CDH23: variants seen among roughly 807,000 people sequenced by gnomAD.
The protein encoded by CDH23 is cadherin-23.
CDH23 carries 189 observed loss-of-function variants against 317.1 expected under a neutral mutation model. The observed-to-expected ratio is 0.60, with a 90% CI of 0.53 to 0.67. The LOEUF (loss-of-function observed/expected upper bound fraction) is 0.67, where lower values mean the gene tolerates loss of function less well. Ranked by LOEUF, CDH23 falls within the 30% of genes least tolerant of loss-of-function variation. The pLI, the probability that CDH23 is intolerant of heterozygous loss-of-function variation, is 0.00. For synonymous variants in CDH23, 1,839 were observed against 1,876.8 expected (o/e 0.98, Z 0.52); for missense variants, 4,401 against 4,592.4 (o/e 0.96, Z 1.20).
chr10:71,790,426 T>C lies in CDH23; in HGVS notation c.6049+13T>C. The C allele has an allele frequency of 3.1e-6, 5 of 1,610,976 alleles. No homozygotes were observed. The highest frequency in any genetic ancestry group is 4.2e-6 in the Non-Finnish European group (5 of 1,179,302). On this transcript the variant is annotated intron_variant, in intron 46 of 69. Transcript: ENST00000224721. ...AACAGCAGCACCGGTGAGGCCTCTGTGCCACCCAGCACTCCCAGCCTGATT... is the reference window on the plus strand; with the variant it reads ...AACAGCAGCACCGGTGAGGCCTCTGCGCCACCCAGCACTCCCAGCCTGATT...
chr10:71,641,889 G>A (rs569080264), intron 11 of CDH23, among the ~76,000 whole-genome samples: 1 of 152,182 alleles, frequency 6.6e-6, no homozygotes, highest in Non-Finnish European at 1.5e-5. Context: ...GACCAGCCTG[G>A]CCAACAGGCG....
intron 28 of CDH23, among the ~76,000 whole-genome samples, chr10:71,722,285 A>T (rs73275842): frequency 3.3e-5 from 5 of 152,150 alleles, no homozygotes; most frequent in Admixed American, 3.3e-4. Flanking sequence ...TACAAAAAAA[A>T]TAATAATAAT....
At chr10:71,741,972 C>T (rs766750504) in intron 38 of CDH23, 51 bp downstream of exon 38, 26 of 1,420,672 alleles carry the variant, frequency 1.8e-5, no homozygotes, top group Admixed American at 1.5e-4. Context: ...AGGGCAGCTC[C>T]GCCTCCGAGT....
In CDH23 at chr10:71,807,980, G is replaced by A; in HGVS notation, c.8695G>A (p.Glu2899Lys). The A allele has an allele frequency of 1.3e-6, 2 of 1,594,890 alleles. No individual in the cohort carries two copies. Among genetic ancestry groups the A allele is most frequent in the Non-Finnish European group, 8.5e-7 (1 of 1,170,222 alleles). ...CTTCCGGGCCCTTGCCAACGACTCT[G>A]AAGATGTGGGCCAGGTCTTCACCAT... is the stretch of plus-strand genomic sequence containing the variant. ...HYFRALANDSEDVGQVFTMGS... is the reference protein window; with the variant it reads ...HYFRALANDSKDVGQVFTMGS... The change falls in exon 60 of 70, where the codon GAA (glutamate) becomes AAA (lysine). Residue 2899 changes from glutamate to lysine, a missense_variant. By Grantham distance (56) the Glu-to-Lys change is moderately conservative (BLOSUM62 1). Around this residue, in one of 3 missense-constraint regions of CDH23, gnomAD observed 1,144 missense variants for 1,138.2 expected, o/e 1.01. Coordinates refer to ENST00000224721, the MANE Select transcript of CDH23 (RefSeq NM_022124.6).
chr10:71,404,403 A>G (rs1453782803), intron 1 of CDH23, among the ~76,000 whole-genome samples: 2 of 152,242 alleles, frequency 1.3e-5, no homozygotes, highest in Non-Finnish European at 2.9e-5. Flanking sequence ...AGTCCCGACC[A>G]TTCCCTATTG....
chr10:71,516,400 C>A (rs937607316), intron 6 of CDH23, among the ~76,000 whole-genome samples: 1 of 152,216 alleles, frequency 6.6e-6, no homozygotes, highest in Admixed American at 6.5e-5. Flanking sequence ...CGAAGCCACG[C>A]CTCCTGGCCC....
chr10:71,409,760 C>T (rs1848267469), intron 1 of CDH23, among the ~76,000 whole-genome samples: 2 of 152,192 alleles, frequency 1.3e-5, no homozygotes, highest in South Asian at 4.1e-4. Flanking sequence ...GCAGCCTCAA[C>T]CTGCTTCCCC....
Position 71,571,332 on chromosome 10 carries a change from G to A in CDH23, c.753+414G>A, listed in dbSNP as rs570334635. ...CCCTCTCTGCTGATGAGCACTGCCA[G>A]AGAGGGTGGCAGCTGCCCTTCTTCA... On this transcript the variant is annotated intron_variant, in intron 8 of 69. Transcript: ENST00000224721. Among the ~76,000 whole-genome samples the A allele has an allele frequency of 7.9e-5, 12 of 152,360 alleles. No individual in the cohort carries two copies. In the South Asian group the frequency reaches 2.5e-3, roughly 32 times the overall value.
chr10:71,561,179 C>T (rs2132341504), intron 6 of CDH23, among the ~76,000 whole-genome samples: 1 of 152,076 alleles, frequency 6.6e-6, no homozygotes, highest in African/African-American at 2.4e-5. Flanking sequence ...AGTTTCCTTT[C>T]CTCCCTTTTC....
chr10:71,680,219 C>A (rs900519115), intron 17 of CDH23, among the ~76,000 whole-genome samples: 4 of 152,228 alleles, frequency 2.6e-5, no homozygotes, highest in Non-Finnish European at 5.9e-5. Flanking sequence ...GCCAGGAAAG[C>A]CCTTCCTCCT....
intron 28 of CDH23, chr10:71,713,220 C>T (rs764695323): frequency 1.3e-6 from 1 of 779,192 alleles, no homozygotes; most frequent in Admixed American, 1.7e-5. Context: ...CGAGGCTCCC[C>T]TCTTGGGAAG....
chr10:71,622,981 G>A lies in CDH23; in HGVS notation c.1134+5588G>A, dbSNP rs190747421. On this transcript the variant is annotated intron_variant, in intron 11 of 69. Coordinates refer to ENST00000224721, the MANE Select transcript of CDH23 (RefSeq NM_022124.6). The stretch of plus-strand genomic sequence containing the variant: ...CCTGAGGGACTATGCTGAAACTTAC[G>A]CAGGTTGGGGGTTAGTTATTAATTC... The A allele has an allele frequency of 1.8e-5, 18 of 984,176 alleles. No homozygotes were observed. The South Asian group carries it at 5.6e-4, about 31-fold the overall frequency. 61.0% of individuals were successfully genotyped at this position (984,176 alleles called of 1,614,324 possible).
At chr10:71,638,717 T>C (rs766207952) in intron 11 of CDH23, among the ~76,000 whole-genome samples, 9 of 152,156 alleles carry the variant, frequency 5.9e-5, no homozygotes, top group South Asian at 2.1e-4. Context: ...GGGCCCAACA[T>C]GTAAGCTCAA....
intron 6 of CDH23, among the ~76,000 whole-genome samples, chr10:71,563,019 A>C (rs1252323385): frequency 6.6e-6 from 1 of 152,206 alleles, no homozygotes; most frequent in Non-Finnish European, 1.5e-5. Context: ...GCCTAGACCC[A>C]TCACCTAGAG....
intron 1 of CDH23, among the ~76,000 whole-genome samples, chr10:71,434,956 C>G (rs1849555099): frequency 6.6e-6 from 1 of 152,210 alleles, no homozygotes; most frequent in South Asian, 2.1e-4. Flanking sequence ...GCTGGCCCAG[C>G]ATACCTTGGC....
chr10:71,672,513 A>G (rs1370549388), intron 14 of CDH23, among the ~76,000 whole-genome samples: 1 of 152,116 alleles, frequency 6.6e-6, no homozygotes, highest in Non-Finnish European at 1.5e-5. Flanking sequence ...TCACCCAGGC[A>G]TACATATTTC....
intron 56 of CDH23, 76 bp downstream of exon 56, chr10:71,806,073 T>G: frequency 6.5e-7 from 1 of 1,532,474 alleles, no homozygotes; most frequent in Non-Finnish European, 8.8e-7. Flanking sequence ...GCACCTCGCC[T>G]CCTGGAAAGT....
Position 71,738,634 on chromosome 10 carries a change from G to T in CDH23, c.4346G>T (p.Gly1449Val), listed in dbSNP as rs544278944. The stretch of plus-strand genomic sequence containing the variant: ...GTCAAGGCCTGGGACCCTGATGCTG[G>T]CAGCAATGGGCAGGTGGGCCACCGA... ...ATVKAWDPDAGSNGQVVFSLA... is the reference protein window; with the variant it reads ...ATVKAWDPDAVSNGQVVFSLA... Residue 1449 changes from glycine (G) to valine (V), a missense_variant, in exon 35 of 70, where the codon GGC (glycine) becomes GTC (valine). Physicochemically the swap from Gly to Val is moderately radical, Grantham distance 109. Around this residue, in one of 3 missense-constraint regions of CDH23, gnomAD observed 3,068 missense variants for 3,203.3 expected, o/e 0.96. Transcript: ENST00000224721. 1 of 1,613,078 alleles carries T rather than the reference G, an allele frequency of 6.2e-7. No homozygotes were observed. The highest frequency in any genetic ancestry group is 8.5e-7 in the Non-Finnish European group (1 of 1,179,652).
At position 71,738,402 on chromosome 10, in the gene CDH23, G is replaced by A. The variant is rs1839627571; in HGVS notation, c.4210-96G>A. 2.8e-6 allele frequency: 4 copies of A among 1,423,144 alleles called. No individual in the cohort carries two copies. The African/African-American group carries it at 4.2e-5, about 15-fold the overall frequency. The allele number at this position is 1,423,144 out of a possible 1,614,324, so 88.2% of individuals were successfully genotyped here. ...GTTTGCTGATGTTCCAGAACCCACT[G>A]GGGATCTGGTCCCTACTGGACCCAC... On this transcript the variant is annotated intron_variant, in intron 34 of 69. Coordinates refer to ENST00000224721, the MANE Select transcript of CDH23 (RefSeq NM_022124.6).
Sources: allele counts gnomAD v4.1 joint callset (sites outside exome capture counted in the v4.1 genomes callset), GRCh38; gene constraint gnomAD v4.1.1; regional missense constraint gnomAD v4.1.1; transcripts MANE v1.5; gene names NCBI Gene and HGNC (gene_info 2026-07-23, HGNC 2026-07-21).